Variants in MARS1 observed in about 807,000 individuals in gnomAD.
MARS1 encodes the protein methionine--tRNA ligase, cytoplasmic.
MARS1 carries 80 observed loss-of-function variants against 119.5 expected under a neutral mutation model. The ratio of observed to expected loss-of-function variants is 0.67; its 90% CI spans 0.56 to 0.81. MARS1 has a LOEUF of 0.81. MARS1 is among the 30% of genes least tolerant of loss of function. The pLI is 0.00. For synonymous variants in MARS1, 418 were observed against 433.4 expected (o/e 0.96, Z 0.44); for missense variants, 945 against 1,116.5 (o/e 0.85, Z 2.19).
In MARS1 at chr12:57,490,604, C is replaced by T. The variant is rs1875862395; in HGVS notation, c.730C>T (p.Leu244=). Residue 244 remains leucine, a synonymous_variant, in exon 7 of 21, where the codon CTA becomes TTA. Coordinates refer to ENST00000262027, the MANE Select transcript of MARS1 (RefSeq NM_004990.4). ...GGCTGTTACTGCTTGGGAGAAGGGCCTAGAAAGTTTGCCCCCGCTGCGGCC... is the reference window on the plus strand; with the variant it reads ...GGCTGTTACTGCTTGGGAGAAGGGCTTAGAAAGTTTGCCCCCGCTGCGGCC... The part of the protein sequence containing the change: ...AMAVTAWEKG[L]ESLPPLRPQQ... The T allele has an allele frequency of 1.9e-6, 3 of 1,614,040 alleles. No homozygotes were observed. The highest frequency in any genetic ancestry group is 2.5e-6 in the Non-Finnish European group (3 of 1,180,006).
chr12:57,500,277 C>T (rs532793464), intron 9 of MARS1, 44 bp from the exon 10 acceptor site: 10 of 1,549,924 alleles, frequency 6.5e-6, no homozygotes, highest in Admixed American at 5.0e-5. Context: ...GGGTCCACCA[C>T]GTCTTCTGAC....
intron 7 of MARS1, among the ~76,000 whole-genome samples, chr12:57,494,555 A>G (rs1222737906): frequency 9.0e-6 from 1 of 110,764 alleles, no homozygotes; most frequent in African/African-American, 3.6e-5. Flanking sequence ...TTTCTCGGAG[A>G]GGGGGATTTG....
In MARS1 at chr12:57,514,955, A is replaced by G; in HGVS notation, c.2101A>G (p.Ile701Val). 2 of 1,614,168 alleles carry G rather than the reference A, an allele frequency of 1.2e-6. No homozygotes were observed. Among genetic ancestry groups the G allele is most frequent in the Non-Finnish European group, 1.7e-6 (2 of 1,180,018 alleles). ...HYHQLLEKVR[I>V]RDALRSILTI... ...TTGGCCTGCTTCCTCCCTTCCCAGG[A>G]TCCGGGATGCCTTGCGCAGTATCCT... Residue 701 changes from isoleucine (I) to valine (V), a missense_variant and splice_region_variant, in exon 17 of 21, where the codon ATC becomes GTC. Ile to Val is a conservative substitution (Grantham distance 29, BLOSUM62 3). Transcript: ENST00000262027.
At position 57,515,912 on chromosome 12, in the gene MARS1, T is replaced by C; in HGVS notation, c.2392-8T>C. 1 of 1,612,070 alleles carries C rather than the reference T, an allele frequency of 6.2e-7. No individual in the cohort carries two copies. The highest frequency in any genetic ancestry group is 1.1e-5 in the South Asian group (1 of 90,986). On this transcript the variant is annotated splice_region_variant and splice_polypyrimidine_tract_variant and intron_variant, in intron 18 of 20. Coordinates refer to ENST00000262027, the MANE Select transcript of MARS1 (RefSeq NM_004990.4). Reference sequence around the variant, plus strand: ...TCAGTAGATGATTCTGGAACTCTTTTTTTACAGGTCAGTCCCTTGTTCCAA... The same window carrying C: ...TCAGTAGATGATTCTGGAACTCTTTCTTTACAGGTCAGTCCCTTGTTCCAA...
intron 7 of MARS1, among the ~76,000 whole-genome samples, chr12:57,495,023 C>T (rs1203832967): frequency 6.6e-6 from 1 of 152,182 alleles, no homozygotes; most frequent in Admixed American, 6.5e-5. Context: ...CTGCTGGGTA[C>T]ACCTCCCAGA....
At chr12:57,512,993 C>A in intron 15 of MARS1, 29 bp downstream of exon 15, 1 of 1,590,152 alleles carries the variant, frequency 6.3e-7, no homozygotes, top group African/African-American at 1.3e-5. Context: ...TCAGAGTTAG[C>A]AGTGAGCTGG....
intron 19 of MARS1, 117 bp downstream of exon 19, chr12:57,516,108 A>G: frequency 7.2e-7 from 1 of 1,380,086 alleles, no homozygotes; most frequent in Non-Finnish European, 1.0e-6. Flanking sequence ...CCGCTTCCTC[A>G]CTTACAGTTT....
chr12:57,499,722 A>C (rs1876829046), intron 9 of MARS1, among the ~76,000 whole-genome samples: 1 of 152,046 alleles, frequency 6.6e-6, no homozygotes, highest in Non-Finnish European at 1.5e-5. Flanking sequence ...AACATGGTGA[A>C]ACCCCATCTC....
rs1470490115 is a variant in MARS1 at position 57,516,218 on chromosome 12, G to A, written c.2464-27G>A. ...TGGAGGTTAGGGGATATTTATGGTT[G>A]CTGGTGATAACTTTGTTGTTCTCCA... On this transcript the variant is annotated intron_variant, in intron 19 of 20. Transcript: ENST00000262027. 2.5e-6 allele frequency: 4 copies of A among 1,601,422 alleles called. No individual in the cohort carries two copies. The Admixed American group carries it at 6.7e-5, about 27-fold the overall frequency.
Position 57,489,908 on chromosome 12 carries a change from C to G in MARS1, c.427C>G (p.Leu143Val), listed in dbSNP as rs373685852. The G allele has an allele frequency of 1.2e-6, 2 of 1,614,006 alleles. No individual in the cohort carries two copies. The highest frequency in any genetic ancestry group is 1.7e-6 in the Non-Finnish European group (2 of 1,179,992). Residue 143 changes from leucine (L) to valine (V), a missense_variant, in exon 5 of 21, where the codon CTA becomes GTA. Coordinates refer to ENST00000262027, the MANE Select transcript of MARS1 (RefSeq NM_004990.4). ...CPFLAGETES[L>V]ADIVLWGALY... ...ATCCCCAACAAAGGAGACAGAATCT[C>G]TAGCCGACATTGTTTTGTGGGGAGC...
At chr12:57,493,655 T>TTA (rs1876278179) in intron 7 of MARS1, among the ~76,000 whole-genome samples, 1 of 27,134 alleles carries the variant, frequency 3.7e-5, no homozygotes, top group African/African-American at 4.8e-4. Flanking sequence ...TAATATACAA[T>TTA]ATATATTATA....
intron 7 of MARS1, among the ~76,000 whole-genome samples, chr12:57,492,468 G>A (rs1453687202): frequency 6.6e-6 from 1 of 150,966 alleles, no homozygotes; most frequent in African/African-American, 2.4e-5. Context: ...TCAGCAGTTC[G>A]AGACCAGCCT....
At chr12:57,496,682 T>G (rs1019588826) in intron 7 of MARS1, among the ~76,000 whole-genome samples, 1 of 150,802 alleles carries the variant, frequency 6.6e-6, no homozygotes, top group Non-Finnish European at 1.5e-5. Context: ...GAGGCTGAGA[T>G]GGAAGGATCA....
chr12:57,508,372 T>C (rs1182489288), intron 11 of MARS1, among the ~76,000 whole-genome samples: 1 of 152,170 alleles, frequency 6.6e-6, no homozygotes, highest in Non-Finnish European at 1.5e-5. Flanking sequence ...CTGGGCACCA[T>C]TGAGCACTGA....
intron 9 of MARS1, chr12:57,500,059 C>T (rs753708834): frequency 6.7e-6 from 3 of 450,940 alleles, no homozygotes; most frequent in African/African-American, 2.0e-5. Flanking sequence ...ATGAAAAATA[C>T]AAAACAGATA....
chr12:57,498,877 T>G (rs1876773902), intron 9 of MARS1, among the ~76,000 whole-genome samples: 1 of 152,152 alleles, frequency 6.6e-6, no homozygotes, highest in Non-Finnish European at 1.5e-5. Flanking sequence ...CTATCTTCCC[T>G]CTAGTGCCTC....
At chr12:57,494,653 A>G (rs985085182) in intron 7 of MARS1, among the ~76,000 whole-genome samples, 31 of 151,960 alleles carry the variant, frequency 2.0e-4, no homozygotes, top group South Asian at 1.7e-3. Flanking sequence ...AGGACCCTGC[A>G]GCCTTCCGCA....
rs535990993 is a variant in MARS1 at position 57,497,696 on chromosome 12, G to A, written c.771-461G>A. Among the ~76,000 whole-genome samples, 21 of 152,228 alleles carry A rather than the reference G, an allele frequency of 1.4e-4. No individual in the cohort carries two copies. The South Asian group carries it at 2.9e-3, about 21-fold the overall frequency. On this transcript the variant is annotated intron_variant, in intron 7 of 20. Coordinates refer to ENST00000262027, the MANE Select transcript of MARS1 (RefSeq NM_004990.4). ...GGTACAAAAGGACTTGTTACGGGTC[G>A]TATCTAGGCTGGTGAGCTCTTTGGA...
At chr12:57,503,463 C>G (rs1335902978) in intron 10 of MARS1, among the ~76,000 whole-genome samples, 1 of 151,990 alleles carries the variant, frequency 6.6e-6, no homozygotes, top group Non-Finnish European at 1.5e-5. Flanking sequence ...GAACTCCTGA[C>G]CTCAGGTGTT....
Sources: allele counts gnomAD v4.1 joint callset (sites outside exome capture counted in the v4.1 genomes callset), GRCh38; gene constraint gnomAD v4.1.1; transcripts MANE v1.5; gene names NCBI Gene and HGNC (gene_info 2026-07-23, HGNC 2026-07-21).